The following KIAA1217 variants were observed in gnomAD, a reference collection of about 807,000 sequenced individuals.
KIAA1217 encodes KIAA1217.
In KIAA1217, 88 loss-of-function variants were observed where a neutral mutation model predicts 163.9. The observed-to-expected ratio is 0.54, with a 90% CI of 0.45 to 0.64. The LOEUF (loss-of-function observed/expected upper bound fraction) is 0.64, where lower values mean the gene tolerates loss of function less well. KIAA1217 is among the 30% of genes least tolerant of loss of function. The pLI is 0.00. For synonymous variants in KIAA1217, 903 were observed against 923.1 expected (o/e 0.98, Z 0.39); for missense variants, 2,372 against 2,475.0 (o/e 0.96, Z 0.88).
chr10:24,458,272 A>G (rs964892648), intron 5 of KIAA1217, among the ~76,000 whole-genome samples: 3 of 152,210 alleles, frequency 2.0e-5, no homozygotes, highest in African/African-American at 7.2e-5. Context: ...CTGACTTGCT[A>G]TTTGAACTGA....
At chr10:24,528,162 CT>C (rs749363684) in intron 14 of KIAA1217, 43 bp downstream of exon 14, 1 of 1,580,312 alleles carries the variant, frequency 6.3e-7, no homozygotes, top group Non-Finnish European at 8.7e-7. Flanking sequence ...AGGTACATGG[CT>C]TTGGGCAAAT....
intron 1 of KIAA1217, among the ~76,000 whole-genome samples, chr10:23,972,856 A>T (rs1021356014): frequency 2.6e-5 from 4 of 152,158 alleles, no homozygotes; most frequent in African/African-American, 9.7e-5. Context: ...CTAACACAGG[A>T]ACAGAAAACC....
At chr10:23,822,415 C>A (rs996065075) in intron 1 of KIAA1217, among the ~76,000 whole-genome samples, 1 of 152,178 alleles carries the variant, frequency 6.6e-6, no homozygotes. Context: ...ACACACATAT[C>A]AGAGTGGGAA....
intron 1 of KIAA1217, among the ~76,000 whole-genome samples, chr10:23,823,939 A>G (rs1351884094): frequency 6.6e-6 from 1 of 151,918 alleles, no homozygotes; most frequent in Non-Finnish European, 1.5e-5. Context: ...GGGGGAAAGG[A>G]AGGGAAGGAA....
At chr10:23,829,837 G>A (rs1439927260) in intron 1 of KIAA1217, among the ~76,000 whole-genome samples, 2 of 152,164 alleles carry the variant, frequency 1.3e-5, no homozygotes, top group African/African-American at 2.4e-5. Flanking sequence ...TTATAGTGAA[G>A]ATATGAATGC....
chr10:24,058,406 G>T (rs1331539626), intron 2 of KIAA1217, among the ~76,000 whole-genome samples: 1 of 152,108 alleles, frequency 6.6e-6, no homozygotes, highest in Non-Finnish European at 1.5e-5. Context: ...GAATTATAGA[G>T]TTGTATCTTC....
At chr10:23,705,993 T>C (rs1836860633) in intron 1 of KIAA1217, among the ~76,000 whole-genome samples, 1 of 152,186 alleles carries the variant, frequency 6.6e-6, no homozygotes, top group South Asian at 2.1e-4. Context: ...AAATTGATTT[T>C]TAAGTATTTT....
intron 2 of KIAA1217, among the ~76,000 whole-genome samples, chr10:24,009,738 A>G (rs976354466): frequency 2.0e-5 from 3 of 152,162 alleles, no homozygotes; most frequent in African/African-American, 7.2e-5. Flanking sequence ...GAGCTCTGGA[A>G]GGAAGTGGAA....
chr10:24,220,696 C>G lies in KIAA1217; in HGVS notation c.354+787C>G, dbSNP rs566762353. On this transcript the variant is annotated intron_variant, in intron 2 of 20. Coordinates refer to ENST00000376454, the MANE Select transcript of KIAA1217 (RefSeq NM_019590.5). ...GTCTCGATCTCCTGATCTCGTGATCCGCCCACCTCAGCCTCCCAAAGTGCT... is the reference window on the plus strand; with the variant it reads ...GTCTCGATCTCCTGATCTCGTGATCGGCCCACCTCAGCCTCCCAAAGTGCT... Among the ~76,000 whole-genome samples the G allele has an allele frequency of 2.5e-4, 38 of 151,098 alleles. No homozygotes were observed. In the South Asian group the frequency reaches 6.3e-3, roughly 25 times the overall value.
chr10:23,696,189 C>A (rs1166724124), intron 1 of KIAA1217, among the ~76,000 whole-genome samples: 2 of 152,230 alleles, frequency 1.3e-5, no homozygotes, highest in Admixed American at 6.5e-5. Flanking sequence ...ACTGACCCTA[C>A]TTCTCATAGG....
At chr10:24,306,851 G>A (rs2042058358) in intron 2 of KIAA1217, among the ~76,000 whole-genome samples, 3 of 152,164 alleles carry the variant, frequency 2.0e-5, no homozygotes, top group Admixed American at 2.0e-4. Flanking sequence ...CTTAGTATCT[G>A]CTCCTCCTCT....
At chr10:24,296,672 C>A (rs545029588) in intron 2 of KIAA1217, among the ~76,000 whole-genome samples, 15 of 152,210 alleles carry the variant, frequency 9.9e-5, no homozygotes, top group Non-Finnish European at 1.5e-4. Context: ...AACGTGGAAA[C>A]CCTTTTCTTC....
chr10:24,451,703 GGAGTGCACATGA>G (rs1202590610), intron 5 of KIAA1217, among the ~76,000 whole-genome samples: 1 of 152,184 alleles, frequency 6.6e-6, no homozygotes, highest in East Asian at 1.9e-4. Flanking sequence ...GTGGCTGGCT[GGAGTGCACATGA>G]GAGGTTTTTG....
intron 3 of KIAA1217, among the ~76,000 whole-genome samples, chr10:24,406,392 A>AACACACACACACACACACACACAC (rs34564889): frequency 4.1e-4 from 55 of 133,878 alleles, no homozygotes; most frequent in Non-Finnish European, 5.4e-4. Context: ...TTCACACACA[A>AACACACACACACACACACACACAC]ACACACACAC....
intron 2 of KIAA1217, among the ~76,000 whole-genome samples, chr10:24,105,201 A>T (rs2062577486): frequency 6.6e-6 from 1 of 152,170 alleles, no homozygotes; most frequent in South Asian, 2.1e-4. Flanking sequence ...CACAGAGGCA[A>T]AAAAAGTAAG....
intron 3 of KIAA1217, among the ~76,000 whole-genome samples, chr10:24,385,807 G>A (rs573237913): frequency 9.8e-5 from 15 of 152,288 alleles, no homozygotes; most frequent in South Asian, 6.2e-4. Context: ...AGTGAAAACC[G>A]CCTTCCAATA....
At chr10:24,086,076 C>T (rs2131669496) in intron 2 of KIAA1217, among the ~76,000 whole-genome samples, 1 of 152,164 alleles carries the variant, frequency 6.6e-6, no homozygotes. Context: ...CTGATTGATG[C>T]CCCTCAGCCT....
At chr10:24,392,243 G>GA (rs10708415) in intron 3 of KIAA1217, among the ~76,000 whole-genome samples, 4 of 149,100 alleles carry the variant, frequency 2.7e-5, no homozygotes, top group Admixed American at 6.7e-5. Context: ...CAGCTCATTA[G>GA]AAAAAAAAAA....
intron 1 of KIAA1217, among the ~76,000 whole-genome samples, chr10:23,988,686 A>G (rs572180485): frequency 9.2e-5 from 14 of 152,366 alleles, no homozygotes; most frequent in African/African-American, 3.1e-4. Flanking sequence ...CCCTAAGTAT[A>G]TGAGAACTAT....
Sources: gnomAD v4.1 joint callset for allele counts (sites outside exome capture counted in the v4.1 genomes callset) on GRCh38, gnomAD v4.1.1 for gene constraint, MANE v1.5 for transcripts, NCBI Gene and HGNC (gene_info 2026-07-23, HGNC 2026-07-21) for gene names.